Variants in NRXN1 observed in about 807,000 individuals in gnomAD.
NRXN1 encodes neurexin-1.
In NRXN1, 39 loss-of-function variants were observed where a neutral mutation model predicts 150.9. That is an observed-to-expected ratio of 0.26 (90% CI 0.20 to 0.34). The LOEUF is 0.34. NRXN1 is among the 10% of genes least tolerant of loss of function. The probability of loss-of-function intolerance (pLI) is 1.00; values close to 1 mark genes in which losing one functional copy is unlikely to be tolerated. For missense variants in NRXN1, 1,815 were observed against 1,949.9 expected (o/e 0.93, Z 1.30); for synonymous variants, 924 against 757.0 (o/e 1.22, Z -3.62).
chr2:50,027,771 C>A (rs1481784948), intron 21 of NRXN1, among the ~76,000 whole-genome samples: 4 of 152,178 alleles, frequency 2.6e-5, no homozygotes, highest in Non-Finnish European at 4.4e-5. Context: ...ATATTGTAGT[C>A]TCTGTCTCCT....
intron 5 of NRXN1, among the ~76,000 whole-genome samples, chr2:50,686,812 T>C (rs1266865470): frequency 6.6e-6 from 1 of 152,078 alleles, no homozygotes; most frequent in Non-Finnish European, 1.5e-5. Context: ...CGGTGATGGG[T>C]TGATTAGGTC....
rs182433341 is a variant in NRXN1 at position 50,292,784 on chromosome 2, T to C, written c.3365-55814A>G. On this transcript the variant is annotated intron_variant, in intron 17 of 22. Coordinates refer to ENST00000401669, the MANE Select transcript of NRXN1 (RefSeq NM_001330078.2). ...TGGAGTGCACCTTTGATGCTGCCTT[T>C]AGAGGCTCTTTTTAAATTATCTTTT... Among the ~76,000 whole-genome samples the C allele has an allele frequency of 2.5e-3, 376 of 152,344 alleles. 1 individual carries two copies. Among genetic ancestry groups the C allele is most frequent in the African/African-American group, 8.6e-3 (359 of 41,584 alleles).
At chr2:50,477,300 A>C (rs907935624) in intron 15 of NRXN1, among the ~76,000 whole-genome samples, 1 of 152,246 alleles carries the variant, frequency 6.6e-6, no homozygotes, top group Non-Finnish European at 1.5e-5. Context: ...ATCAAAGCAA[A>C]GCAGGCTAGG....
chr2:50,545,556 C>A (rs1215644970), intron 9 of NRXN1, among the ~76,000 whole-genome samples: 1 of 152,120 alleles, frequency 6.6e-6, no homozygotes, highest in Non-Finnish European at 1.5e-5. Context: ...CCAGGTTTGA[C>A]TGATATTTAC....
chr2:49,966,840 C>A (rs1041312012), intron 21 of NRXN1, among the ~76,000 whole-genome samples: 3 of 151,846 alleles, frequency 2.0e-5, no homozygotes, highest in Admixed American at 1.3e-4. Flanking sequence ...GATTTCCCAA[C>A]GAAACCAAAA....
chr2:50,416,595 T>A (rs2083556448), intron 17 of NRXN1, among the ~76,000 whole-genome samples: 2 of 152,136 alleles, frequency 1.3e-5, no homozygotes, highest in Non-Finnish European at 2.9e-5. Context: ...GGGTAATTTA[T>A]AAAGGAAGAG....
chr2:50,243,757 T>C (rs1354124353), intron 17 of NRXN1, among the ~76,000 whole-genome samples: 2 of 151,750 alleles, frequency 1.3e-5, no homozygotes, highest in Non-Finnish European at 2.9e-5. Flanking sequence ...CCAGCTAGAC[T>C]CCACGGTAGA....
At chr2:50,194,409 A>T (rs531783619) in intron 18 of NRXN1, among the ~76,000 whole-genome samples, 37 of 152,298 alleles carry the variant, frequency 2.4e-4, no homozygotes, top group Middle Eastern at 3.4e-3. Flanking sequence ...CAAATCCAAG[A>T]ATACAAATTC....
intron 8 of NRXN1, among the ~76,000 whole-genome samples, chr2:50,615,168 A>G (rs572547813): frequency 6.6e-6 from 1 of 152,202 alleles, no homozygotes; most frequent in Non-Finnish European, 1.5e-5. Flanking sequence ...TGAAATTTTC[A>G]GTGGGACTTC....
At chr2:50,587,856 A>G (rs927148785) in intron 8 of NRXN1, among the ~76,000 whole-genome samples, 4 of 152,178 alleles carry the variant, frequency 2.6e-5, no homozygotes, top group Admixed American at 2.0e-4. Flanking sequence ...TTTTCTTTCC[A>G]AAGTTAACAG....
chr2:50,535,986 C>T (rs2093248836), intron 10 of NRXN1, among the ~76,000 whole-genome samples: 1 of 152,136 alleles, frequency 6.6e-6, no homozygotes, highest in Non-Finnish European at 1.5e-5. Context: ...GTTGTCAACT[C>T]TTATTTGATC....
intron 17 of NRXN1, among the ~76,000 whole-genome samples, chr2:50,353,527 G>A (rs1392532456): frequency 6.6e-6 from 1 of 152,006 alleles, no homozygotes; most frequent in Non-Finnish European, 1.5e-5. Context: ...TTGAGTTTAA[G>A]GGCCCCTTGT....
intron 17 of NRXN1, among the ~76,000 whole-genome samples, chr2:50,419,959 C>G (rs2083846301): frequency 6.6e-6 from 1 of 151,980 alleles, no homozygotes. Context: ...ATGGCTAAAA[C>G]AGAACACGTG....
intron 18 of NRXN1, among the ~76,000 whole-genome samples, chr2:50,194,188 T>G (rs910630612): frequency 2.0e-5 from 3 of 151,928 alleles, no homozygotes; most frequent in African/African-American, 7.2e-5. Flanking sequence ...GACTACTTTG[T>G]GACTAATATT....
chr2:50,485,502 G>C (rs2090804730), intron 15 of NRXN1, among the ~76,000 whole-genome samples: 1 of 152,210 alleles, frequency 6.6e-6, no homozygotes, highest in Non-Finnish European at 1.5e-5. Context: ...GGAGGATGCA[G>C]AACTGGCACC....
intron 17 of NRXN1, among the ~76,000 whole-genome samples, chr2:50,249,731 G>T: frequency 6.6e-6 from 1 of 151,578 alleles, no homozygotes; most frequent in Non-Finnish European, 1.5e-5. Flanking sequence ...TCTGCCTCCC[G>T]GGTTCAAGCT....
At chr2:51,026,458 C>A (rs756504254) in intron 2 of NRXN1, 1 of 1,599,510 alleles carries the variant, frequency 6.3e-7, no homozygotes, top group Non-Finnish European at 8.5e-7. Flanking sequence ...CACTGAAGAC[C>A]GAATTTTATT....
At chr2:50,678,961 C>A (rs961791259) in intron 5 of NRXN1, among the ~76,000 whole-genome samples, 1 of 151,926 alleles carries the variant, frequency 6.6e-6, no homozygotes, top group Non-Finnish European at 1.5e-5. Context: ...ATTAGAAATT[C>A]TAGGGACAGA....
intron 8 of NRXN1, among the ~76,000 whole-genome samples, chr2:50,572,780 C>G (rs1670849404): frequency 6.6e-6 from 1 of 152,136 alleles, no homozygotes; most frequent in African/African-American, 2.4e-5. Flanking sequence ...TTATTTTTCC[C>G]TATTCAACAT....
Sources: gnomAD v4.1 joint callset for allele counts (sites outside exome capture counted in the v4.1 genomes callset) on GRCh38, gnomAD v4.1.1 for gene constraint, MANE v1.5 for transcripts, NCBI Gene and HGNC (gene_info 2026-07-23, HGNC 2026-07-21) for gene names.